ADAMTS3: variants seen among roughly 807,000 people sequenced by gnomAD.
ADAMTS3 encodes the protein A disintegrin and metalloproteinase with thrombospondin motifs 3.
In ADAMTS3, 73 loss-of-function variants were observed where a neutral mutation model predicts 129.0. The ratio of observed to expected loss-of-function variants is 0.57; its 90% CI spans 0.47 to 0.69. The LOEUF is 0.69. ADAMTS3 is among the 30% of genes least tolerant of loss of function. The pLI is 0.00. For missense variants in ADAMTS3, 1,457 were observed against 1,514.5 expected (o/e 0.96, Z 0.63); for synonymous variants, 477 against 510.8 (o/e 0.93, Z 0.89).
rs773653747 is a variant in ADAMTS3, at chr4:72,303,919, A to G, written c.2422T>C (p.Leu808=). The G allele has an allele frequency of 1.1e-5, 18 of 1,613,336 alleles. No individual in the cohort carries two copies. In the East Asian group the frequency reaches 4.0e-4, roughly 36 times the overall value. Residue 808 remains leucine, a splice_region_variant and synonymous_variant, in exon 17 of 22, where the codon TTG becomes CTG. Transcript: ENST00000286657. ...CATGAGCCCATAATGCCACATACCA[A>G]AACAATAACAGGATCATGTAAAGGT... ...DGPLHDPVIV[L]IIPQENDTRS...
intron 4 of ADAMTS3, among the ~76,000 whole-genome samples, chr4:72,355,418 T>G (rs1157286902): frequency 6.6e-6 from 1 of 152,008 alleles, no homozygotes; most frequent in Non-Finnish European, 1.5e-5. Flanking sequence ...TCAATCGACA[T>G]CAGAGAAAAT....
intron 19 of ADAMTS3, among the ~76,000 whole-genome samples, chr4:72,292,039 G>A (rs938033250): frequency 1.3e-5 from 2 of 152,206 alleles, no homozygotes; most frequent in Non-Finnish European, 1.5e-5. Context: ...CATGAAGGCA[G>A]TTTTCAAGGA....
chr4:72,295,762 C>T lies in ADAMTS3; in HGVS notation c.2615G>A (p.Cys872Tyr). The change falls in exon 19 of 22, where the codon TGC becomes TAC. Residue 872 changes from cysteine to tyrosine, a missense_variant. Physicochemically the swap from Cys to Tyr is radical, Grantham distance 194. Coordinates refer to ENST00000286657, the MANE Select transcript of ADAMTS3 (RefSeq NM_014243.3). ...CATTTTATTATCACTTTTCCTACGG[C>T]ATCCATATTTAGTGTACTGGAAACC... The part of the protein sequence containing the change: ...GGGFQYTKYG[C>Y]RRKSDNKMVH... The T allele has an allele frequency of 6.2e-7, 1 of 1,612,592 alleles. No individual in the cohort carries two copies. The highest frequency in any genetic ancestry group is 2.2e-5 in the East Asian group (1 of 44,796).
chr4:72,409,065 TA>T (rs1375314244), intron 4 of ADAMTS3, among the ~76,000 whole-genome samples: 1 of 151,416 alleles, frequency 6.6e-6, no homozygotes, highest in Non-Finnish European at 1.5e-5. Flanking sequence ...TAAAGTATAA[TA>T]AAAAATAAAA....
rs1719539813 is a variant in ADAMTS3 at position 72,321,021 on chromosome 4, A to C, written c.946-151T>G. The C allele has an allele frequency of 5.4e-6, 4 of 743,450 alleles. No homozygotes were observed. In the South Asian group the frequency reaches 9.5e-5, roughly 18 times the overall value. The allele number at this position is 743,450 out of a possible 1,614,324, so 46.1% of individuals were successfully genotyped here. ...ATTCTGATATTTGCTTTGATTTGTG[A>C]CTTCTAAATGCCCATGAAGGATATT... On this transcript the variant is annotated intron_variant, in intron 6 of 21. Coordinates refer to ENST00000286657, the MANE Select transcript of ADAMTS3 (RefSeq NM_014243.3).
intron 18 of ADAMTS3, among the ~76,000 whole-genome samples, chr4:72,296,546 T>C (rs1253750179): frequency 1.3e-5 from 2 of 152,136 alleles, no homozygotes; most frequent in Non-Finnish European, 2.9e-5. Flanking sequence ...TAGATTGATC[T>C]TTTGTGACTA....
chr4:72,363,393 T>C (rs1720777830), intron 4 of ADAMTS3, among the ~76,000 whole-genome samples: 1 of 152,138 alleles, frequency 6.6e-6, no homozygotes, highest in Non-Finnish European at 1.5e-5. Flanking sequence ...TAGTTAGATA[T>C]ACCATATGCT....
chr4:72,351,843 G>T (rs1275525310), intron 4 of ADAMTS3, among the ~76,000 whole-genome samples: 2 of 151,872 alleles, frequency 1.3e-5, no homozygotes, highest in African/African-American at 2.4e-5. Flanking sequence ...ACAAGCTAGG[G>T]TTTTAAAAAT....
chr4:72,557,038 G>A (rs914229272), intron 2 of ADAMTS3, among the ~76,000 whole-genome samples: 1 of 151,750 alleles, frequency 6.6e-6, no homozygotes, highest in Non-Finnish European at 1.5e-5. Context: ...TAAAAGACTG[G>A]AATTCTCTCC....
At chr4:72,359,567 T>A (rs1720666806) in intron 4 of ADAMTS3, among the ~76,000 whole-genome samples, 1 of 152,004 alleles carries the variant, frequency 6.6e-6, no homozygotes, top group Non-Finnish European at 1.5e-5. Context: ...GGCTAAATAT[T>A]TCAGTGAAAG....
intron 4 of ADAMTS3, among the ~76,000 whole-genome samples, chr4:72,353,535 G>T (rs1010571668): frequency 6.6e-6 from 1 of 151,916 alleles, no homozygotes; most frequent in Admixed American, 6.6e-5. Context: ...GTAGCAAGCT[G>T]GAGTCAGCAG....
intron 3 of ADAMTS3, among the ~76,000 whole-genome samples, chr4:72,483,207 CTCTT>C (rs1301866339): frequency 6.6e-6 from 1 of 152,028 alleles, no homozygotes; most frequent in African/African-American, 2.4e-5. Context: ...AAATAAAACT[CTCTT>C]TCCCAGAAAA....
chr4:72,522,111 A>G (rs1004179903), intron 3 of ADAMTS3, among the ~76,000 whole-genome samples: 2 of 152,184 alleles, frequency 1.3e-5, no homozygotes, highest in Non-Finnish European at 2.9e-5. Flanking sequence ...ATACAGTGAA[A>G]GAAGATGAAG....
chr4:72,491,416 A>G (rs1171337213), intron 3 of ADAMTS3, among the ~76,000 whole-genome samples: 1 of 151,772 alleles, frequency 6.6e-6, no homozygotes, highest in Non-Finnish European at 1.5e-5. Context: ...CTCATTTATT[A>G]TCATAAGAGG....
At chr4:72,420,524 C>A (rs1722415848) in intron 3 of ADAMTS3, among the ~76,000 whole-genome samples, 1 of 152,174 alleles carries the variant, frequency 6.6e-6, no homozygotes, top group Non-Finnish European at 1.5e-5. Flanking sequence ...GTTGTTTCCA[C>A]TGCACTTACT....
chr4:72,303,554 T>A (rs886700564), intron 17 of ADAMTS3, among the ~76,000 whole-genome samples: 10 of 151,916 alleles, frequency 6.6e-5, no homozygotes, highest in Non-Finnish European at 4.4e-5. Flanking sequence ...AAGATCTTTA[T>A]ATTGAAGGTA....
At position 72,281,383 on chromosome 4, in the gene ADAMTS3, T is replaced by C. The variant is rs1017174231; in HGVS notation, c.*1753A>G. The C allele has an allele frequency of 4.6e-5, 7 of 152,646 alleles. No homozygotes were observed. The highest frequency in any genetic ancestry group is 1.7e-4 in the African/African-American group (7 of 41,466). The allele number at this position is 152,646 out of a possible 1,614,324, so 9.5% of individuals were successfully genotyped here. ...CAAAAGTTCTTGCACATTCTGTGCT[T>C]TGAGAGGTTAATTCATCTACATTTT... On this transcript the variant is annotated 3_prime_UTR_variant, in exon 22 of 22. Transcript: ENST00000286657.
Position 72,494,629 on chromosome 4 carries a change from T to C in ADAMTS3, c.504+53849A>G, listed in dbSNP as rs77623430. On this transcript the variant is annotated intron_variant, in intron 3 of 21. Coordinates refer to ENST00000286657, the MANE Select transcript of ADAMTS3 (RefSeq NM_014243.3). ...TCATGTTGCTTTGGTGATATCATGT[T>C]TAGCTGATGTTTTGTGTTTCCTGTA... Among the ~76,000 whole-genome samples the C allele has an allele frequency of 2.5e-3, 386 of 152,326 alleles. 4 individuals are homozygous for C. Among genetic ancestry groups the C allele is most frequent in the African/African-American group, 9.2e-3 (383 of 41,586 alleles).
chr4:72,396,857 G>A (rs1396511500), intron 4 of ADAMTS3, among the ~76,000 whole-genome samples: 1 of 152,128 alleles, frequency 6.6e-6, no homozygotes, highest in African/African-American at 2.4e-5. Flanking sequence ...GATAGCCTAC[G>A]GAATGCTGTT....
Sources: gnomAD v4.1 joint callset for allele counts (sites outside exome capture counted in the v4.1 genomes callset) on GRCh38, gnomAD v4.1.1 for gene constraint, MANE v1.5 for transcripts, NCBI Gene and HGNC (gene_info 2026-07-23, HGNC 2026-07-21) for gene names.